Variants in PTPRN2 observed in about 807,000 individuals in gnomAD.
PTPRN2 encodes the protein protein tyrosine phosphatase receptor type N2, also known as receptor-type tyrosine-protein phosphatase N2.
In PTPRN2, 74 loss-of-function variants were observed where a neutral mutation model predicts 118.8. The ratio of observed to expected loss-of-function variants is 0.62; its 90% CI spans 0.52 to 0.76. The LOEUF is 0.76. PTPRN2 is among the 30% of genes least tolerant of loss of function. PTPRN2 has a pLI of 0.00. For missense variants in PTPRN2, 1,481 were observed against 1,394.4 expected (o/e 1.06, Z -0.99); for synonymous variants, 641 against 608.0 (o/e 1.05, Z -0.80).
At chr7:158,148,985 GC>G (rs1313267461) in intron 6 of PTPRN2, among the ~76,000 whole-genome samples, 2 of 124,538 alleles carry the variant, frequency 1.6e-5, no homozygotes, top group African/African-American at 6.8e-5. Flanking sequence ...CCCATCTCAC[GC>G]CACACATCTT....
intron 11 of PTPRN2, among the ~76,000 whole-genome samples, chr7:158,012,407 C>G (rs1002092240): frequency 6.6e-6 from 1 of 152,150 alleles, no homozygotes; most frequent in African/African-American, 2.4e-5. Context: ...GTTTAGTAAG[C>G]CACAGAAGAA....
intron 2 of PTPRN2, among the ~76,000 whole-genome samples, chr7:158,397,652 A>AC (rs1206800401): frequency 2.0e-5 from 3 of 149,986 alleles, no homozygotes; most frequent in Admixed American, 6.6e-5. Context: ...CTCCCTCCCC[A>AC]CCCCCCAGTC....
In PTPRN2 at chr7:157,690,465, C is replaced by T. The variant is rs561858453; in HGVS notation, c.1789-7528G>A. On this transcript the variant is annotated intron_variant, in intron 12 of 22. Coordinates refer to ENST00000389418, the MANE Select transcript of PTPRN2 (RefSeq NM_002847.5). This position sits in a 1 kb window ranked among gnomAD's most constrained non-coding sequence, Gnocchi z 7.1. Reference sequence around the variant, plus strand: ...TCTCGTGGGCCCTTCCTGCTCCCTCCGCCCCCATCCCAGCCTCTCTCGCCT... The same window carrying T: ...TCTCGTGGGCCCTTCCTGCTCCCTCTGCCCCCATCCCAGCCTCTCTCGCCT... Among the ~76,000 whole-genome samples, 42 of 152,256 alleles carry T rather than the reference C, an allele frequency of 2.8e-4. No homozygotes were observed. The South Asian group carries it at 8.7e-3, about 32-fold the overall frequency.
chr7:158,071,392 AGGTGCTCGTGGTGGAGTTGCTCCTGG>A (rs1563391009), intron 11 of PTPRN2, among the ~76,000 whole-genome samples: 3 of 37,740 alleles, frequency 7.9e-5, no homozygotes, highest in Admixed American at 3.0e-4. Context: ...CTCGTGGTGG[AGGTGCTCGTGGTGGAGTTGCTCCTGG>A]TGGTGGAGGT....
chr7:157,557,538 C>T (rs547262357), intron 21 of PTPRN2, among the ~76,000 whole-genome samples: 1 of 96,162 alleles, frequency 1.0e-5, no homozygotes, highest in South Asian at 4.6e-4. Flanking sequence ...CACCCACACC[C>T]ATCACACACA....
At chr7:158,108,664 G>A (rs1245847821) in intron 10 of PTPRN2, among the ~76,000 whole-genome samples, 5 of 152,222 alleles carry the variant, frequency 3.3e-5, no homozygotes, top group African/African-American at 1.2e-4. Flanking sequence ...GCCTCCATGT[G>A]TCCTTCAGAT....
chr7:158,333,241 C>G (rs1470265472), intron 2 of PTPRN2, among the ~76,000 whole-genome samples: 3 of 126,974 alleles, frequency 2.4e-5, no homozygotes, highest in East Asian at 2.2e-4. Context: ...CACACTCTCC[C>G]CAAAAGAGCT....
At position 158,399,320 on chromosome 7, in the gene PTPRN2, C is replaced by T. The variant is rs190748174; in HGVS notation, c.164-82388G>A. Among the ~76,000 whole-genome samples the T allele has an allele frequency of 1.4e-4, 21 of 152,296 alleles. No homozygotes were observed. The East Asian group carries it at 4.1e-3, about 29-fold the overall frequency. On this transcript the variant is annotated intron_variant, in intron 2 of 22. Transcript: ENST00000389418. Reference sequence around the variant, plus strand: ...GCAGTTTCACTGGGAAAAATTTTCTCTATTTCTATTCCCACAGAAGCAGAC... The same window carrying T: ...GCAGTTTCACTGGGAAAAATTTTCTTTATTTCTATTCCCACAGAAGCAGAC...
At chr7:158,182,305 T>G (rs953570759) in intron 5 of PTPRN2, among the ~76,000 whole-genome samples, 2 of 152,166 alleles carry the variant, frequency 1.3e-5, no homozygotes, top group Non-Finnish European at 2.9e-5. Context: ...TTTAAAAAAT[T>G]TATTGAGACT....
At chr7:157,885,699 T>A (rs986034967) in intron 12 of PTPRN2, among the ~76,000 whole-genome samples, 3 of 152,244 alleles carry the variant, frequency 2.0e-5, no homozygotes, top group Non-Finnish European at 4.4e-5. Context: ...GGTGCGAATG[T>A]GCTATAGATG....
intron 6 of PTPRN2, among the ~76,000 whole-genome samples, chr7:158,161,300 G>T (rs1822336454): frequency 6.6e-6 from 1 of 152,194 alleles, no homozygotes; most frequent in African/African-American, 2.4e-5. Flanking sequence ...GAGGACAACA[G>T]CACCCATCAT....
intron 12 of PTPRN2, among the ~76,000 whole-genome samples, chr7:157,734,311 C>G (rs549495789): frequency 1.4e-5 from 2 of 145,082 alleles, no homozygotes; most frequent in African/African-American, 5.2e-5. Context: ...GTTACTCTTC[C>G]GTCCCATGCA....
intron 2 of PTPRN2, among the ~76,000 whole-genome samples, chr7:158,341,020 C>T (rs1427240732): frequency 3.1e-4 from 8 of 25,604 alleles, no homozygotes; most frequent in South Asian, 2.2e-3. Flanking sequence ...GCAGACGTCA[C>T]TCACACCCAC....
At chr7:157,624,714 G>C (rs1343060860) in intron 14 of PTPRN2, among the ~76,000 whole-genome samples, 2 of 152,146 alleles carry the variant, frequency 1.3e-5, no homozygotes, top group Non-Finnish European at 2.9e-5. Flanking sequence ...TCTATACTGT[G>C]GTCATCCTGC....
At chr7:158,327,262 T>C (rs1315149335) in intron 2 of PTPRN2, among the ~76,000 whole-genome samples, 1 of 150,696 alleles carries the variant, frequency 6.6e-6, no homozygotes, top group Admixed American at 6.6e-5. Flanking sequence ...CATTCTCACA[T>C]GCACACACGT....
chr7:157,725,427 C>G (rs1206631708), intron 12 of PTPRN2, among the ~76,000 whole-genome samples: 9 of 91,496 alleles, frequency 9.8e-5, no homozygotes, highest in Middle Eastern at 6.0e-3. Context: ...GCCAGACCCT[C>G]GCCTCCCAGG....
In PTPRN2 at chr7:157,577,315, C is replaced by T. The variant is rs1800110573; in HGVS notation, c.2617-536G>A. Among the ~76,000 whole-genome samples the T allele has an allele frequency of 2.6e-5, 4 of 152,208 alleles. No individual in the cohort carries two copies. In the South Asian group the frequency reaches 8.3e-4, roughly 32 times the overall value. On this transcript the variant is annotated intron_variant, in intron 18 of 22. Transcript: ENST00000389418. ...CGTTTCTGCAGGAACCCCAAGGCCA[C>T]AGCTGTGTGGTTTAAGGTTCACACT...
At chr7:157,973,986 C>T (rs972702369) in intron 11 of PTPRN2, among the ~76,000 whole-genome samples, 2 of 152,168 alleles carry the variant, frequency 1.3e-5, no homozygotes, top group African/African-American at 4.8e-5. Flanking sequence ...AGCTTCCTTC[C>T]AGAGTGAATG....
chr7:157,555,690 CT>C (rs1386218718), intron 21 of PTPRN2, among the ~76,000 whole-genome samples: 1 of 151,962 alleles, frequency 6.6e-6, no homozygotes, highest in Non-Finnish European at 1.5e-5. Flanking sequence ...GCAATGTATT[CT>C]TTTTTTCTTG....
Sources: gnomAD v4.1 joint callset for allele counts (sites outside exome capture counted in the v4.1 genomes callset) on GRCh38, gnomAD v4.1.1 for gene constraint, Gnocchi (gnomAD v3.1) non-coding constraint, MANE v1.5 for transcripts, NCBI Gene and HGNC (gene_info 2026-07-23, HGNC 2026-07-21) for gene names.